FSTL5: variants seen among roughly 807,000 people sequenced by gnomAD.
FSTL5 encodes follistatin like 5, also known as follistatin-related protein 5.
Under a neutral mutation model 89.1 loss-of-function variants are expected in FSTL5, and 62 were observed. That is an observed-to-expected ratio of 0.70 (90% confidence interval 0.57 to 0.86). FSTL5 has a LOEUF of 0.86. Among genes scored for constraint, FSTL5 ranks in the 40% least tolerant of loss-of-function variants. The probability of loss-of-function intolerance (pLI) is 0.00; values close to 1 mark genes in which losing one functional copy is unlikely to be tolerated. For missense variants in FSTL5, 1,057 were observed against 1,001.6 expected (o/e 1.06, Z -0.75); for synonymous variants, 383 against 346.2 (o/e 1.11, Z -1.18).
chr4:161,606,550 T>G (rs1578961742), intron 7 of FSTL5, among the ~76,000 whole-genome samples: 1 of 152,100 alleles, frequency 6.6e-6, no homozygotes, highest in Non-Finnish European at 1.5e-5. Context: ...TGAAGTAATG[T>G]GTCATGTATG....
intron 2 of FSTL5, among the ~76,000 whole-genome samples, chr4:162,062,621 T>C (rs1288101408): frequency 6.6e-6 from 1 of 151,440 alleles, no homozygotes; most frequent in Non-Finnish European, 1.5e-5. Context: ...CCAATTTGGA[T>C]TGATTTAATT....
chr4:161,587,925 G>A (rs2126607581), intron 7 of FSTL5, among the ~76,000 whole-genome samples: 1 of 152,296 alleles, frequency 6.6e-6, no homozygotes, highest in African/African-American at 2.4e-5. Context: ...TGTAATCCCA[G>A]CACTTTGAGA....
At chr4:161,651,883 CGAAAT>C (rs1736355042) in intron 7 of FSTL5, among the ~76,000 whole-genome samples, 1 of 152,044 alleles carries the variant, frequency 6.6e-6, no homozygotes, top group Non-Finnish European at 1.5e-5. Flanking sequence ...ATAAAACAGA[CGAAAT>C]GAAAGTCTTC....
At position 161,873,091 on chromosome 4, in the gene FSTL5, T is replaced by G. The variant is rs546809890; in HGVS notation, c.409+47313A>C. On this transcript the variant is annotated intron_variant, in intron 4 of 15. Coordinates refer to ENST00000306100, the MANE Select transcript of FSTL5 (RefSeq NM_020116.5). ...AGAGTATTTTTGCAGGTTTCTAAAT[T>G]TTTCTGAGAGTCTAACTGTTAAGAG... is the stretch of plus-strand genomic sequence containing the variant. Among the ~76,000 whole-genome samples the G allele has an allele frequency of 4.6e-5, 7 of 152,138 alleles. No homozygotes were observed. In the East Asian group the frequency reaches 1.4e-3, roughly 30 times the overall value.
At chr4:161,450,732 T>C (rs1244102855) in intron 15 of FSTL5, among the ~76,000 whole-genome samples, 2 of 151,206 alleles carry the variant, frequency 1.3e-5, no homozygotes, top group East Asian at 1.9e-4. Context: ...GAGAATTACA[T>C]TCATCTTCAT....
At chr4:162,043,738 T>A (rs1335691034) in intron 2 of FSTL5, among the ~76,000 whole-genome samples, 1 of 152,204 alleles carries the variant, frequency 6.6e-6, no homozygotes, top group Non-Finnish European at 1.5e-5. Context: ...CAACTACGTT[T>A]ATGTAATATT....
chr4:161,855,658 T>C (rs1047584277), intron 4 of FSTL5, among the ~76,000 whole-genome samples: 2 of 152,112 alleles, frequency 1.3e-5, no homozygotes, highest in Non-Finnish European at 2.9e-5. Flanking sequence ...AATTGTAGGC[T>C]TTTTTCCTCT....
At chr4:161,951,654 T>A (rs1291540587) in intron 3 of FSTL5, among the ~76,000 whole-genome samples, 1 of 152,108 alleles carries the variant, frequency 6.6e-6, no homozygotes, top group Non-Finnish European at 1.5e-5. Flanking sequence ...TTATTAATAT[T>A]TAAATTATTT....
intron 3 of FSTL5, among the ~76,000 whole-genome samples, chr4:162,011,717 G>C (rs1175637716): frequency 6.6e-6 from 1 of 152,042 alleles, no homozygotes; most frequent in Non-Finnish European, 1.5e-5. Flanking sequence ...GGCTGGTCTT[G>C]AACTCCTGAC....
intron 4 of FSTL5, among the ~76,000 whole-genome samples, chr4:161,883,842 C>T (rs1476261104): frequency 6.6e-6 from 1 of 152,126 alleles, no homozygotes; most frequent in East Asian, 1.9e-4. Context: ...AGTTTTCTGA[C>T]AGGCAAGGAT....
At chr4:161,637,410 G>T (rs1735761152) in intron 7 of FSTL5, among the ~76,000 whole-genome samples, 1 of 140,890 alleles carries the variant, frequency 7.1e-6, no homozygotes, top group African/African-American at 2.7e-5. Flanking sequence ...CCATTTTGTA[G>T]GTTGCCTGTT....
intron 3 of FSTL5, among the ~76,000 whole-genome samples, chr4:162,009,323 T>C (rs1483553): frequency 1 from 151,863 of 152,172 alleles, 75,777 homozygotes; most frequent in Non-Finnish European, 1. Flanking sequence ...AAATGTTAAC[T>C]AGAGCTGGCA....
At chr4:161,889,116 C>T (rs1485481818) in intron 4 of FSTL5, among the ~76,000 whole-genome samples, 4 of 151,862 alleles carry the variant, frequency 2.6e-5, no homozygotes, top group African/African-American at 7.3e-5. Context: ...CTTTTTTCTT[C>T]CACAATTAGA....
At chr4:161,614,862 G>T (rs1435918847) in intron 7 of FSTL5, among the ~76,000 whole-genome samples, 2 of 151,964 alleles carry the variant, frequency 1.3e-5, no homozygotes, top group African/African-American at 4.8e-5. Flanking sequence ...TTTTGAAAAG[G>T]AGAATTTCAA....
At chr4:161,847,865 G>C (rs1215133042) in intron 4 of FSTL5, among the ~76,000 whole-genome samples, 2 of 151,398 alleles carry the variant, frequency 1.3e-5, no homozygotes, top group African/African-American at 4.8e-5. Context: ...GGTGAGACCT[G>C]TCTCTACTAA....
chr4:161,573,324 T>A (rs1298448656), intron 8 of FSTL5, among the ~76,000 whole-genome samples: 5 of 150,468 alleles, frequency 3.3e-5, no homozygotes, highest in Non-Finnish European at 4.4e-5. Flanking sequence ...GTGGGAGGAT[T>A]GCTTGAGCCC....
At chr4:161,784,911 C>CAAAAAAA (rs1340879777) in intron 4 of FSTL5, among the ~76,000 whole-genome samples, 1 of 45,136 alleles carries the variant, frequency 2.2e-5, no homozygotes, top group East Asian at 5.2e-4. Context: ...CAAAAACAAA[C>CAAAAAAA]AAACAAAAAA....
chr4:162,043,102 AAAC>A (rs1738033067), intron 2 of FSTL5: 2 of 152,198 alleles, frequency 1.3e-5, no homozygotes, highest in Admixed American at 1.3e-4. Context: ...ATAATAAAAA[AAAC>A]AAAACAAACA....
intron 10 of FSTL5, among the ~76,000 whole-genome samples, chr4:161,519,717 A>G (rs1452672343): frequency 6.6e-6 from 1 of 152,216 alleles, no homozygotes; most frequent in Non-Finnish European, 1.5e-5. Flanking sequence ...GATTTTTTAC[A>G]TAATAAATGA....
Sources: gnomAD v4.1 joint callset for allele counts (sites outside exome capture counted in the v4.1 genomes callset) on GRCh38, gnomAD v4.1.1 for gene constraint, MANE v1.5 for transcripts, NCBI Gene and HGNC (gene_info 2026-07-23, HGNC 2026-07-21) for gene names.